PLCB1: variants seen among roughly 807,000 people sequenced by gnomAD.
The protein encoded by PLCB1 is 1-phosphatidylinositol 4,5-bisphosphate phosphodiesterase beta-1.
A neutral mutation model predicts 161.8 loss-of-function variants in PLCB1; 46 were observed. The ratio of observed to expected loss-of-function variants is 0.28; its 90% CI spans 0.22 to 0.36. The LOEUF (loss-of-function observed/expected upper bound fraction) is 0.36, where lower values mean the gene tolerates loss of function less well. PLCB1 is among the 10% of genes least tolerant of loss of function. PLCB1 has a pLI of 1.00. For missense variants in PLCB1, 1,016 were observed against 1,472.5 expected (o/e 0.69, Z 5.07); for synonymous variants, 517 against 503.7 (o/e 1.03, Z -0.35).
intron 2 of PLCB1, among the ~76,000 whole-genome samples, chr20:8,303,556 G>C (rs1056524382): frequency 6.6e-6 from 1 of 152,078 alleles, no homozygotes; most frequent in Non-Finnish European, 1.5e-5. Context: ...TTAATAAAAG[G>C]ATTACAGAAG....
intron 3 of PLCB1, among the ~76,000 whole-genome samples, chr20:8,506,166 G>T (rs985060396): frequency 5.3e-5 from 8 of 152,166 alleles, no homozygotes; most frequent in African/African-American, 1.9e-4. Flanking sequence ...GCTTTCTTTG[G>T]TTTGCAAGAA....
intron 26 of PLCB1, among the ~76,000 whole-genome samples, chr20:8,765,621 A>G (rs1025743316): frequency 4.6e-5 from 7 of 152,232 alleles, no homozygotes; most frequent in African/African-American, 1.2e-4. Flanking sequence ...CTAACTTCCT[A>G]TATTACAGCT....
chr20:8,474,558 C>A (rs1317046418), intron 3 of PLCB1, among the ~76,000 whole-genome samples: 1 of 152,022 alleles, frequency 6.6e-6, no homozygotes, highest in Non-Finnish European at 1.5e-5. Flanking sequence ...GCAGAAGGAG[C>A]AGAACATGCA....
chr20:8,445,228 T>G (rs1237167), intron 3 of PLCB1, among the ~76,000 whole-genome samples: 1 of 152,072 alleles, frequency 6.6e-6, no homozygotes. Context: ...TTTGTATAAG[T>G]TGTAAGGAAG....
intron 2 of PLCB1, among the ~76,000 whole-genome samples, chr20:8,207,313 T>A (rs1978586741): frequency 2.0e-5 from 3 of 152,150 alleles, no homozygotes. Context: ...TATTTTAAAG[T>A]CTAGTTTATA....
At chr20:8,709,605 A>G (rs1002506145) in intron 12 of PLCB1, among the ~76,000 whole-genome samples, 1 of 152,218 alleles carries the variant, frequency 6.6e-6, no homozygotes, top group Admixed American at 6.5e-5. Context: ...GTAATTTGTA[A>G]CATGTGCTTC....
intron 2 of PLCB1, among the ~76,000 whole-genome samples, chr20:8,342,536 C>T (rs1443300182): frequency 6.6e-6 from 1 of 152,112 alleles, no homozygotes; most frequent in Non-Finnish European, 1.5e-5. Context: ...GTTCCATCTC[C>T]AGGATGAACT....
At chr20:8,820,425 A>T (rs1170168994) in intron 31 of PLCB1, among the ~76,000 whole-genome samples, 5 of 152,156 alleles carry the variant, frequency 3.3e-5, no homozygotes, top group Non-Finnish European at 7.3e-5. Context: ...TTGAAACCAC[A>T]GTGTTATATT....
intron 3 of PLCB1, among the ~76,000 whole-genome samples, chr20:8,438,057 A>G (rs1008797330): frequency 6.6e-6 from 1 of 152,292 alleles, no homozygotes; most frequent in South Asian, 2.1e-4. Flanking sequence ...TAAAATTTAT[A>G]TCTTCATATA....
chr20:8,478,012 A>G (rs988080038), intron 3 of PLCB1, among the ~76,000 whole-genome samples: 1 of 152,210 alleles, frequency 6.6e-6, no homozygotes, highest in African/African-American at 2.4e-5. Context: ...TCTGGCTTTA[A>G]ATCTATTGAG....
intron 2 of PLCB1, among the ~76,000 whole-genome samples, chr20:8,335,791 C>T (rs1477343160): frequency 6.6e-6 from 1 of 152,228 alleles, no homozygotes; most frequent in African/African-American, 2.4e-5. Flanking sequence ...AGAAGCAAAG[C>T]ATTGTAGTAA....
At chr20:8,519,722 A>T (rs1376424399) in intron 3 of PLCB1, among the ~76,000 whole-genome samples, 2 of 152,204 alleles carry the variant, frequency 1.3e-5, no homozygotes, top group African/African-American at 2.4e-5. Flanking sequence ...TGTAGTATTT[A>T]TGTCTTCCTT....
intron 2 of PLCB1, among the ~76,000 whole-genome samples, chr20:8,247,428 GAAA>G (rs1224892338): frequency 6.6e-6 from 1 of 151,880 alleles, no homozygotes; most frequent in African/African-American, 2.4e-5. Context: ...GAAATCATTA[GAAA>G]TTTTAAATGG....
chr20:8,824,089 C>G (rs1985569392), intron 31 of PLCB1, among the ~76,000 whole-genome samples: 1 of 151,948 alleles, frequency 6.6e-6, no homozygotes, highest in Non-Finnish European at 1.5e-5. Context: ...ACTGTCCATG[C>G]TACATGTAGG....
chr20:8,455,432 C>CTTT lies in PLCB1; in HGVS notation c.246+84005_246+84007dup, dbSNP rs1175763739. ...AATTATTATTACAAGTATTCTTCCT[C>CTTT]TTTTTTTTTTTTTTTTTTTTTTTTT... On this transcript the variant is annotated intron_variant, in intron 3 of 31. Coordinates refer to ENST00000338037, the MANE Select transcript of PLCB1 (RefSeq NM_015192.4). Among the ~76,000 whole-genome samples, 368 of 74,196 alleles carry CTTT rather than the reference C, an allele frequency of 5.0e-3. 3 individuals are homozygous for CTTT. The highest frequency in any genetic ancestry group is 0.011 in the East Asian group (26 of 2,388). The allele number at this position is 74,196 out of a possible 152,430, so 48.7% of individuals were successfully genotyped here. A position where few individuals can be genotyped will look rare whatever the true frequency, so the allele number is the denominator to read the frequency against.
intron 11 of PLCB1, among the ~76,000 whole-genome samples, chr20:8,702,183 T>C (rs1167062634): frequency 6.6e-6 from 1 of 152,216 alleles, no homozygotes; most frequent in Admixed American, 6.5e-5. Flanking sequence ...AAGGGCTTTT[T>C]GTTTTGTAGT....
chr20:8,808,985 G>A (rs977068), intron 31 of PLCB1, among the ~76,000 whole-genome samples: 10,485 of 152,028 alleles, frequency 0.069, 990 homozygotes, highest in African/African-American at 0.21. Context: ...TTTTCCTAGA[G>A]CTTTGTTGAA....
At chr20:8,513,202 A>G (rs906760119) in intron 3 of PLCB1, among the ~76,000 whole-genome samples, 7 of 152,242 alleles carry the variant, frequency 4.6e-5, no homozygotes, top group Non-Finnish European at 8.8e-5. Flanking sequence ...GATCAAAGAC[A>G]AGAGACAAGA....
At chr20:8,454,653 G>A (rs1047339006) in intron 3 of PLCB1, among the ~76,000 whole-genome samples, 3 of 152,132 alleles carry the variant, frequency 2.0e-5, no homozygotes, top group Non-Finnish European at 4.4e-5. Flanking sequence ...CCACTCTTAC[G>A]TCTGTAATGC....
Sources: allele counts gnomAD v4.1 joint callset (sites outside exome capture counted in the v4.1 genomes callset), GRCh38; gene constraint gnomAD v4.1.1; transcripts MANE v1.5; gene names NCBI Gene and HGNC (gene_info 2026-07-23, HGNC 2026-07-21).